The following ZFHX3 variants were observed in gnomAD, a reference collection of about 807,000 sequenced individuals.
ZFHX3 encodes zinc finger homeobox 3, also known as zinc finger homeobox protein 3.
In ZFHX3, 42 loss-of-function variants were observed where a neutral mutation model predicts 279.1. That is an observed-to-expected ratio of 0.15 (90% CI 0.12 to 0.19). The LOEUF (loss-of-function observed/expected upper bound fraction) is 0.19, where lower values mean the gene tolerates loss of function less well. ZFHX3 is among the 10% of genes least tolerant of loss of function. The pLI is 1.00. For synonymous variants in ZFHX3, 2,293 were observed against 1,957.8 expected (o/e 1.17, Z -4.52); for missense variants, 4,981 against 4,754.0 (o/e 1.05, Z -1.40).
chr16:73,708,963 C>A (rs2142224325), intron 1 of ZFHX3, among the ~76,000 whole-genome samples: 1 of 152,230 alleles, frequency 6.6e-6, no homozygotes, highest in African/African-American at 2.4e-5. Context: ...GATGAGGTGC[C>A]TGGGGAGGGA....
chr16:73,285,618 A>C (rs1000990819), intron 4 of ZFHX3, among the ~76,000 whole-genome samples: 1 of 152,190 alleles, frequency 6.6e-6, no homozygotes, highest in South Asian at 2.1e-4. Flanking sequence ...CATGAAATGC[A>C]TATTTTTTGA....
chr16:73,345,499 T>G (rs1450417261), intron 3 of ZFHX3, among the ~76,000 whole-genome samples: 1 of 151,980 alleles, frequency 6.6e-6, no homozygotes, highest in Non-Finnish European at 1.5e-5. Flanking sequence ...GTGTTTCTTT[T>G]TCTGTTCCTG....
chr16:73,473,265 A>G (rs1295666839), intron 2 of ZFHX3, among the ~76,000 whole-genome samples: 1 of 140,184 alleles, frequency 7.1e-6, no homozygotes, highest in East Asian at 2.3e-4. Flanking sequence ...TGAGCCCAGG[A>G]GGCTGAGGCT....
chr16:73,445,160 TA>T, intron 3 of ZFHX3, among the ~76,000 whole-genome samples: 1 of 152,008 alleles, frequency 6.6e-6, no homozygotes, highest in Non-Finnish European at 1.5e-5. Context: ...TCTTTTCATA[TA>T]CAATGAATAT....
At chr16:73,298,664 T>C (rs1429938580) in intron 4 of ZFHX3, among the ~76,000 whole-genome samples, 4 of 152,148 alleles carry the variant, frequency 2.6e-5, no homozygotes, top group East Asian at 3.9e-4. Flanking sequence ...GTGAGGCCAA[T>C]GGATGGAGGC....
At chr16:72,834,774 G>A (rs939517430) in intron 4 of ZFHX3, among the ~76,000 whole-genome samples, 2 of 151,052 alleles carry the variant, frequency 1.3e-5, no homozygotes, top group African/African-American at 2.4e-5. Context: ...CTCCCCAAAC[G>A]CATCACCCAA....
intron 3 of ZFHX3, among the ~76,000 whole-genome samples, chr16:72,910,739 A>T (rs1215291436): frequency 6.6e-6 from 1 of 152,202 alleles, no homozygotes; most frequent in Non-Finnish European, 1.5e-5. Context: ...AATGGTGAAC[A>T]TTTAAAAATC....
chr16:73,415,928 T>C (rs12924870), intron 3 of ZFHX3, among the ~76,000 whole-genome samples: 46,490 of 151,860 alleles, frequency 0.31, 9,022 homozygotes, highest in Non-Finnish European at 0.44. Context: ...AAGACTAGCC[T>C]GGCCAACATG....
intron 1 of ZFHX3, among the ~76,000 whole-genome samples, chr16:73,706,449 T>G (rs2053305309): frequency 9.7e-6 from 1 of 102,978 alleles, no homozygotes; most frequent in Non-Finnish European, 2.0e-5. Flanking sequence ...AGAGCGAAAC[T>G]CTATCTCAAA....
At chr16:73,109,480 C>A (rs1966344666) in intron 7 of ZFHX3, among the ~76,000 whole-genome samples, 1 of 137,928 alleles carries the variant, frequency 7.3e-6, no homozygotes, top group African/African-American at 2.8e-5. Flanking sequence ...TCTGCCAGCG[C>A]ATGCACTAAA....
intron 5 of ZFHX3, among the ~76,000 whole-genome samples, chr16:72,814,984 G>A (rs1189436604): frequency 6.6e-6 from 1 of 152,190 alleles, no homozygotes; most frequent in Non-Finnish European, 1.5e-5. Flanking sequence ...GTGATGTGGG[G>A]ATGGCTCCTA....
At chr16:73,351,929 G>A (rs2016249555) in intron 3 of ZFHX3, among the ~76,000 whole-genome samples, 1 of 152,166 alleles carries the variant, frequency 6.6e-6, no homozygotes. Context: ...GTATCTAAAT[G>A]TCAATGGGTT....
intron 2 of ZFHX3, among the ~76,000 whole-genome samples, chr16:73,490,205 G>A (rs1368234013): frequency 6.6e-6 from 1 of 152,156 alleles, no homozygotes; most frequent in East Asian, 1.9e-4. Flanking sequence ...GCTCAGAATG[G>A]AGGAATAACA....
intron 5 of ZFHX3, among the ~76,000 whole-genome samples, chr16:73,230,175 A>G (rs1226057697): frequency 6.6e-6 from 1 of 152,222 alleles, no homozygotes; most frequent in African/African-American, 2.4e-5. Context: ...TGATATATAA[A>G]TGAATATTGG....
At chr16:73,165,243 C>A (rs983924458) in intron 5 of ZFHX3, among the ~76,000 whole-genome samples, 1 of 152,160 alleles carries the variant, frequency 6.6e-6, no homozygotes, top group African/African-American at 2.4e-5. Flanking sequence ...ATGCAAAACA[C>A]GCCGGCAGCT....
chr16:73,885,089 C>T (rs896166814), intron 1 of ZFHX3, among the ~76,000 whole-genome samples: 33 of 151,862 alleles, frequency 2.2e-4, no homozygotes, highest in African/African-American at 7.7e-4. Context: ...CTGAAGTCTG[C>T]TGCTGAAAGG....
At chr16:73,865,333 G>C (rs1961984497) in intron 1 of ZFHX3, among the ~76,000 whole-genome samples, 1 of 152,158 alleles carries the variant, frequency 6.6e-6, no homozygotes, top group Admixed American at 6.5e-5. Flanking sequence ...GCCATGCAGA[G>C]ATGTTAAGGC....
intron 1 of ZFHX3, among the ~76,000 whole-genome samples, chr16:73,861,770 G>A (rs1368982491): frequency 1.3e-5 from 2 of 152,122 alleles, no homozygotes; most frequent in African/African-American, 4.8e-5. Context: ...CACAGAAATA[G>A]AATTAATCCT....
At chr16:73,841,058 G>A (rs544325186) in intron 1 of ZFHX3, among the ~76,000 whole-genome samples, 1 of 152,174 alleles carries the variant, frequency 6.6e-6, no homozygotes, top group Non-Finnish European at 1.5e-5. Context: ...TGGAAGTGGA[G>A]AGGTATGTGA....
Sources: gnomAD v4.1 joint callset for allele counts (sites outside exome capture counted in the v4.1 genomes callset) on GRCh38, gnomAD v4.1.1 for gene constraint, MANE v1.5 for transcripts, NCBI Gene and HGNC (gene_info 2026-07-23, HGNC 2026-07-21) for gene names.